Variants in FAM114A1 observed in about 807,000 individuals in gnomAD.
The protein encoded by FAM114A1 is family with sequence similarity 114 member A1.
A neutral mutation model predicts 64.3 loss-of-function variants in FAM114A1; 62 were observed. That is an observed-to-expected ratio of 0.96 (90% CI 0.79 to 1.19). The LOEUF is 1.19. Among genes scored for constraint, FAM114A1 ranks in the 50% most tolerant of loss-of-function variants. The pLI is 0.00. For synonymous variants in FAM114A1, 254 were observed against 251.1 expected, an observed-to-expected ratio of 1.01 and a Z score of -0.11; for missense variants, 645 against 676.3, an observed-to-expected ratio of 0.95 and a Z score of 0.51.
intron 10 of FAM114A1, among the ~76,000 whole-genome samples, chr4:38,930,335 A>G (rs1032763964): frequency 6.6e-6 from 1 of 152,060 alleles, no homozygotes; most frequent in South Asian, 2.1e-4. Context: ...ATAGGTACTC[A>G]CTTATCCAGG....
chr4:38,868,155 CCG>C, intron 1 of FAM114A1: 1 of 232,802 alleles, frequency 4.3e-6, no homozygotes, highest in South Asian at 5.4e-5. Context: ...GCGTGAACCT[CCG>C]CGGAGCCTGC....
chr4:38,901,748 G>A (rs545860333), intron 4 of FAM114A1, among the ~76,000 whole-genome samples: 231 of 152,266 alleles, frequency 1.5e-3, no homozygotes, highest in South Asian at 8.3e-3. Context: ...GTGCTTTGCG[G>A]GAAGAAAAAG....
intron 8 of FAM114A1, among the ~76,000 whole-genome samples, chr4:38,917,412 C>A (rs983494310): frequency 1.3e-5 from 2 of 151,578 alleles, no homozygotes; most frequent in South Asian, 2.1e-4. Context: ...GATTTTGGAC[C>A]CCCTTACCTC....
At chr4:38,914,701 T>C in intron 7 of FAM114A1, 1 of 480,202 alleles carries the variant, frequency 2.1e-6, no homozygotes, top group South Asian at 5.2e-5. Flanking sequence ...TTTGCTTTGT[T>C]TTGCCTTTCA....
intron 6 of FAM114A1, 44 bp from the exon 7 acceptor site, chr4:38,908,548 G>A (rs1560310056): frequency 1.3e-6 from 2 of 1,527,560 alleles, no homozygotes; most frequent in East Asian, 2.3e-5. Context: ...CTGCGAAACA[G>A]CAAAACCTAA....
At chr4:38,911,844 CT>C (rs771972308) in intron 7 of FAM114A1, among the ~76,000 whole-genome samples, 5 of 115,194 alleles carry the variant, frequency 4.3e-5, no homozygotes, top group Admixed American at 3.6e-4. Context: ...TTTTTTTTTT[CT>C]TTTTTTTTCT....
chr4:38,922,918 A>T, intron 9 of FAM114A1, 25 bp downstream of exon 9: 2 of 1,596,610 alleles, frequency 1.3e-6, no homozygotes, highest in Non-Finnish European at 1.7e-6. Context: ...CTTAAATAGC[A>T]AGACAAACTG....
At chr4:38,943,069 C>T (rs1389446385) in intron 14 of FAM114A1, among the ~76,000 whole-genome samples, 1 of 151,800 alleles carries the variant, frequency 6.6e-6, no homozygotes, top group Non-Finnish European at 1.5e-5. Flanking sequence ...GGTGCACGCC[C>T]GTAGTCCCAG....
intron 8 of FAM114A1, among the ~76,000 whole-genome samples, chr4:38,915,509 T>C (rs1474333609): frequency 1.3e-5 from 2 of 152,112 alleles, no homozygotes; most frequent in Admixed American, 1.3e-4. Context: ...GTCTTATGGG[T>C]TATATAGTTA....
At chr4:38,869,311 A>G (rs984605329) in intron 2 of FAM114A1, among the ~76,000 whole-genome samples, 2 of 152,240 alleles carry the variant, frequency 1.3e-5, no homozygotes, top group Non-Finnish European at 2.9e-5. Context: ...GAAAGGTAAC[A>G]TTAGACACTG....
Position 38,929,136 on chromosome 4 carries a change from A to T in FAM114A1, c.1070-106A>T, listed in dbSNP as rs1287512522. 6 of 850,430 alleles carry T rather than the reference A, an allele frequency of 7.1e-6. No homozygotes were observed. In the East Asian group the frequency reaches 1.5e-4, roughly 22 times the overall value. 52.7% of individuals were successfully genotyped at this position (850,430 alleles called of 1,614,324 possible). On this transcript the variant is annotated intron_variant, in intron 9 of 14. Transcript: ENST00000358869. ...AGCGGCTGGCGGGCAGGCTGCTACA[A>T]CCTCCACTTAGTCTACCCCAGCTGC...
chr4:38,937,787 T>C (rs1721233620), intron 13 of FAM114A1, among the ~76,000 whole-genome samples: 1 of 152,086 alleles, frequency 6.6e-6, no homozygotes, highest in Non-Finnish European at 1.5e-5. Flanking sequence ...CAGGCTGGAG[T>C]GCAGTGGCGC....
At chr4:38,890,327 C>T (rs34920141) in intron 3 of FAM114A1, among the ~76,000 whole-genome samples, 8,184 of 148,852 alleles carry the variant, frequency 0.055, 253 homozygotes, top group Middle Eastern at 0.13. Context: ...GGCGTGAACC[C>T]GGGAGGTGGA....
Position 38,921,221 on chromosome 4 carries a change from A to G in FAM114A1, c.946-1549A>G, listed in dbSNP as rs563906060. Among the ~76,000 whole-genome samples the G allele has an allele frequency of 2.0e-5, 3 of 152,302 alleles. No individual in the cohort carries two copies. In the East Asian group the frequency reaches 5.8e-4, roughly 29 times the overall value. On this transcript the variant is annotated intron_variant, in intron 8 of 14. Coordinates refer to ENST00000358869, the MANE Select transcript of FAM114A1 (RefSeq NM_138389.4). ...GGTGCCTTCCCTGTGCCCTTTTACCATTTTGGAAATTCAAATCAATCTTCA... is the reference window on the plus strand; with the variant it reads ...GGTGCCTTCCCTGTGCCCTTTTACCGTTTTGGAAATTCAAATCAATCTTCA...
chr4:38,931,687 G>A, intron 11 of FAM114A1, 75 bp downstream of exon 11: 1 of 1,413,962 alleles, frequency 7.1e-7, no homozygotes, highest in Non-Finnish European at 9.5e-7. Flanking sequence ...AATTTTAATT[G>A]AGGAGAGGCC....
chr4:38,919,858 T>C (rs1719421530), intron 8 of FAM114A1, among the ~76,000 whole-genome samples: 1 of 152,204 alleles, frequency 6.6e-6, no homozygotes, highest in Non-Finnish European at 1.5e-5. Flanking sequence ...TTTTACTAGA[T>C]TGATTCTAGG....
intron 2 of FAM114A1, among the ~76,000 whole-genome samples, chr4:38,875,202 T>G (rs6839212): frequency 0.24 from 36,284 of 152,052 alleles, 4,848 homozygotes; most frequent in Non-Finnish European, 0.28. Context: ...TTTTTCTAAT[T>G]CTATGAAAAA....
In FAM114A1 at chr4:38,881,804, C is replaced by G. The variant is rs552101565; in HGVS notation, c.348+3378C>G. Among the ~76,000 whole-genome samples, 3 of 152,188 alleles carry G rather than the reference C, an allele frequency of 2.0e-5. No homozygotes were observed. In the South Asian group the frequency reaches 6.2e-4, roughly 32 times the overall value. On this transcript the variant is annotated intron_variant, in intron 3 of 14. Transcript: ENST00000358869. ...CATACTCATAAGAAATCATTTTGCA[C>G]TGATGAAAACAACTCTTTCCCTGTT...
intron 2 of FAM114A1, among the ~76,000 whole-genome samples, chr4:38,873,679 A>G (rs1415058082): frequency 2.6e-5 from 4 of 152,222 alleles, no homozygotes; most frequent in Non-Finnish European, 5.9e-5. Flanking sequence ...TGTGCAAAAG[A>G]ACAACATATG....
Sources: allele counts gnomAD v4.1 joint callset (sites outside exome capture counted in the v4.1 genomes callset), GRCh38; gene constraint gnomAD v4.1.1; transcripts MANE v1.5; gene names NCBI Gene and HGNC (gene_info 2026-07-23, HGNC 2026-07-21).